PCGF3: variants seen among roughly 807,000 people sequenced by gnomAD.
The protein encoded by PCGF3 is polycomb group RING finger protein 3.
Under a neutral mutation model 33.1 loss-of-function variants are expected in PCGF3, and 7 were observed. That is an observed-to-expected ratio of 0.21 (90% CI 0.12 to 0.40). PCGF3 has a LOEUF of 0.40. Ranked by LOEUF, PCGF3 falls within the 10% of genes least tolerant of loss-of-function variation. PCGF3 has a pLI of 1.00. For synonymous variants in PCGF3, 153 were observed against 121.3 expected (o/e 1.26, Z -1.72); for missense variants, 211 against 313.3 (o/e 0.67, Z 2.46).
intron 3 of PCGF3, among the ~76,000 whole-genome samples, chr4:733,108 C>G (rs1369054439): frequency 3.3e-5 from 5 of 150,482 alleles, no homozygotes; most frequent in African/African-American, 1.2e-4. Context: ...CTGCCCCGTG[C>G]TGCCTCAGGC....
intron 10 of PCGF3, among the ~76,000 whole-genome samples, chr4:765,830 A>G (rs566360079): frequency 6.6e-6 from 1 of 152,096 alleles, no homozygotes; most frequent in African/African-American, 2.4e-5. Flanking sequence ...GCCAGGGGAG[A>G]GGGCACATGT....
At chr4:751,969 C>G (rs1431438237) in intron 8 of PCGF3, among the ~76,000 whole-genome samples, 1 of 152,282 alleles carries the variant, frequency 6.6e-6, no homozygotes, top group African/African-American at 2.4e-5. Context: ...CTGAATCTTC[C>G]TGAGAGAGGC....
intron 1 of PCGF3, among the ~76,000 whole-genome samples, chr4:722,088 T>A (rs1257803150): frequency 6.6e-6 from 1 of 152,098 alleles, no homozygotes; most frequent in African/African-American, 2.4e-5. Context: ...TGGGACGGTG[T>A]CTGTGTGAGA....
At chr4:719,075 C>T (rs113663222) in intron 1 of PCGF3, among the ~76,000 whole-genome samples, 6,233 of 152,182 alleles carry the variant, frequency 0.041, 170 homozygotes, top group East Asian at 0.094. Context: ...CTGCCTCAGG[C>T]TCCTGAGTAG....
chr4:733,708 G>T, exon 4 of PCGF3: 1 of 1,609,800 alleles, frequency 6.2e-7, no homozygotes, highest in Non-Finnish European at 8.5e-7. Flanking sequence ...CAAGCTGTGG[G>T]ACATCAACGC....
At chr4:716,174 C>T (rs1173722156) in intron 1 of PCGF3, among the ~76,000 whole-genome samples, 10 of 92,602 alleles carry the variant, frequency 1.1e-4, no homozygotes, top group African/African-American at 1.4e-4. Flanking sequence ...AACTGGGCGT[C>T]GGTGCTGGAA....
exon 11 of PCGF3, chr4:766,765 C>T (rs1484174437): frequency 1.3e-5 from 2 of 152,254 alleles, no homozygotes; most frequent in South Asian, 2.1e-4. Flanking sequence ...ACACCCAGCC[C>T]TGGAAACGGG....
At chr4:740,531 G>A (rs1297875881) in intron 6 of PCGF3, among the ~76,000 whole-genome samples, 1 of 152,096 alleles carries the variant, frequency 6.6e-6, no homozygotes, top group Non-Finnish European at 1.5e-5. Flanking sequence ...GGTGAGGGCT[G>A]TGGGGCTCAC....
At chr4:749,589 C>T (rs1275829206) in intron 8 of PCGF3, among the ~76,000 whole-genome samples, 3 of 143,228 alleles carry the variant, frequency 2.1e-5, no homozygotes, top group South Asian at 2.2e-4. Context: ...TGGGTTCAAG[C>T]GATTCTCCTG....
rs1258645173 is a variant in PCGF3, at chr4:720,817, C to T, written c.-189-9813C>T. Among the ~76,000 whole-genome samples, 1 of 152,148 alleles carries T rather than the reference C, an allele frequency of 6.6e-6. No individual in the cohort carries two copies. The highest frequency in any genetic ancestry group is 6.5e-5 in the Admixed American group (1 of 15,270). ...CTGGCATGGGAAGCAGAGGGTGAGGCTCGGCTCTGCTGTCAGGAGGACATG... is the reference window on the plus strand; with the variant it reads ...CTGGCATGGGAAGCAGAGGGTGAGGTTCGGCTCTGCTGTCAGGAGGACATG... On this transcript the variant is annotated intron_variant, in intron 1 of 10. Transcript: ENST00000362003. The surrounding 1 kb of genome is among the most constrained non-coding windows in gnomAD (Gnocchi z 5.6).
intron 3 of PCGF3, 85 bp from the exon 4 acceptor site, chr4:733,587 C>G (rs1381777631): frequency 9.9e-6 from 14 of 1,419,526 alleles, no homozygotes; most frequent in Non-Finnish European, 1.3e-5. Context: ...GCACTGTCCT[C>G]CCTGGGGGCG....
intron 6 of PCGF3, among the ~76,000 whole-genome samples, chr4:739,258 T>C (rs995130269): frequency 2.0e-5 from 3 of 152,184 alleles, no homozygotes; most frequent in African/African-American, 7.2e-5. Flanking sequence ...TGGAGTTCAG[T>C]GGTGCTATCA....
Position 720,325 on chromosome 4 carries a change from T to C in PCGF3, c.-189-10305T>C, listed in dbSNP as rs1197504808. Among the ~76,000 whole-genome samples, 2 of 151,454 alleles carry C rather than the reference T, an allele frequency of 1.3e-5. No homozygotes were observed. Among genetic ancestry groups the C allele is most frequent in the Non-Finnish European group, 2.9e-5 (2 of 67,804 alleles). ...CCCATGCATCGCTGGGGAGGGTGAC[T>C]GCGGGAGGAGCGCCTGTGCATCGCT... On this transcript the variant is annotated intron_variant, in intron 1 of 10. Transcript: ENST00000362003. The surrounding 1 kb of genome is among the most constrained non-coding windows in gnomAD (Gnocchi z 5.6).
At chr4:723,441 T>C (rs1183619931) in intron 1 of PCGF3, among the ~76,000 whole-genome samples, 3 of 151,786 alleles carry the variant, frequency 2.0e-5, no homozygotes, top group African/African-American at 7.3e-5. Flanking sequence ...CAGAGTGGGG[T>C]GCCCAGAGGG....
Position 744,638 on chromosome 4 carries a change from G to A in PCGF3, c.412G>A (p.Ala138Thr), listed in dbSNP as rs960588934. The A allele has an allele frequency of 8.3e-6, 13 of 1,562,174 alleles. No individual in the cohort carries two copies. The East Asian group carries it at 1.9e-4, about 23-fold the overall frequency. The stretch of plus-strand genomic sequence containing the variant: ...AGACGACAGTTCAAACAAAGAGGCC[G>A]CGGAGGAGAAGCCGGAGGAGGACAA... The change falls in exon 8 of 11, where the codon GCG (alanine) becomes ACG (threonine). Residue 138 changes from alanine to threonine, a missense_variant. By Grantham distance (58) the Ala-to-Thr change is moderately conservative. Around this residue, in one of 3 missense-constraint regions of PCGF3, gnomAD observed 95 missense variants for 83.0 expected, o/e 1.14. Coordinates refer to ENST00000362003, the Ensembl canonical transcript of PCGF3.
intron 6 of PCGF3, among the ~76,000 whole-genome samples, chr4:739,037 T>C (rs1157312385): frequency 1.3e-5 from 2 of 152,130 alleles, no homozygotes; most frequent in Non-Finnish European, 2.9e-5. Flanking sequence ...CTTTGATCTG[T>C]AAAGGCTGCA....
chr4:743,552 C>G, exon 7 of PCGF3: 1 of 1,611,712 alleles, frequency 6.2e-7, no homozygotes, highest in East Asian at 2.2e-5. Flanking sequence ...GAGACCTGCT[C>G]TGCAAAACAG....
chr4:765,462 A>G (rs902998769), intron 10 of PCGF3, among the ~76,000 whole-genome samples: 1 of 151,610 alleles, frequency 6.6e-6, no homozygotes, highest in Non-Finnish European at 1.5e-5. Flanking sequence ...TGACTCAGCT[A>G]CAGAAATTGT....
At chr4:767,601 C>T (rs1435188190) in exon 11 of PCGF3, 2 of 150,902 alleles carry the variant, frequency 1.3e-5, no homozygotes, top group Admixed American at 1.3e-4. Flanking sequence ...TAAAAAGCAG[C>T]TCAAGAGACC....
Sources: allele counts gnomAD v4.1 joint callset (sites outside exome capture counted in the v4.1 genomes callset), GRCh38; gene constraint gnomAD v4.1.1; regional missense constraint gnomAD v4.1.1; non-coding constraint Gnocchi (gnomAD v3.1); transcripts MANE v1.5; gene names NCBI Gene and HGNC (gene_info 2026-07-23, HGNC 2026-07-21).